KMT2C: variants seen among roughly 807,000 people sequenced by gnomAD.
KMT2C encodes lysine methyltransferase 2C.
Under a neutral mutation model 507.9 loss-of-function variants are expected in KMT2C, and 88 were observed. That is an observed-to-expected ratio of 0.17 (90% CI 0.15 to 0.21). KMT2C has a LOEUF of 0.21. Among genes scored for constraint, KMT2C ranks in the 10% least tolerant of loss-of-function variants. KMT2C has a pLI of 1.00. For missense variants in KMT2C, 4,954 were observed against 5,957.8 expected (o/e 0.83, Z 5.55); for synonymous variants, 2,049 against 2,080.8 (o/e 0.98, Z 0.42).
chr7:152,223,639 C>T (rs1472230711), intron 20 of KMT2C, among the ~76,000 whole-genome samples: 2 of 151,874 alleles, frequency 1.3e-5, no homozygotes, highest in South Asian at 2.1e-4. Context: ...ACTAAAAATA[C>T]AAAAATTAGC....
At chr7:152,407,922 ACT>A (rs1178391573) in intron 1 of KMT2C, among the ~76,000 whole-genome samples, 1 of 152,276 alleles carries the variant, frequency 6.6e-6, no homozygotes, top group African/African-American at 2.4e-5. Context: ...GTTAGAATAC[ACT>A]GTTTCCAAAT....
chr7:152,253,088 C>T (rs2095586655), intron 9 of KMT2C, among the ~76,000 whole-genome samples: 1 of 152,036 alleles, frequency 6.6e-6, no homozygotes, highest in Non-Finnish European at 1.5e-5. Flanking sequence ...CTCCTGACCT[C>T]AAGTGATCTG....
At chr7:152,427,732 C>A (rs145654271) in intron 1 of KMT2C, among the ~76,000 whole-genome samples, 25 of 152,290 alleles carry the variant, frequency 1.6e-4, no homozygotes, top group Non-Finnish European at 3.2e-4. Flanking sequence ...AATTCCCATA[C>A]GCCATATTCT....
chr7:152,236,433 G>A (rs991651303), intron 15 of KMT2C, among the ~76,000 whole-genome samples: 7 of 152,160 alleles, frequency 4.6e-5, no homozygotes, highest in African/African-American at 1.4e-4. Flanking sequence ...CATTTGAGAT[G>A]AGTGTGCTGA....
intron 23 of KMT2C, among the ~76,000 whole-genome samples, chr7:152,214,866 G>A (rs1312645658): frequency 1.3e-5 from 2 of 152,034 alleles, no homozygotes; most frequent in African/African-American, 2.4e-5. Context: ...TAGGTAAGAC[G>A]AGTAATTCTA....
chr7:152,281,301 A>C (rs2096203455), intron 6 of KMT2C, among the ~76,000 whole-genome samples: 1 of 152,188 alleles, frequency 6.6e-6, no homozygotes, highest in African/African-American at 2.4e-5. Flanking sequence ...ATAATTTTAA[A>C]ATAGACAAGG....
intron 1 of KMT2C, among the ~76,000 whole-genome samples, chr7:152,393,898 CA>C (rs745616896): frequency 0.033 from 2,123 of 65,286 alleles, 16 homozygotes; most frequent in African/African-American, 0.059. Context: ...AACTCCATCT[CA>C]AAAAAAAAAA....
intron 1 of KMT2C, among the ~76,000 whole-genome samples, chr7:152,412,082 T>C (rs1311762516): frequency 2.0e-5 from 3 of 152,192 alleles, no homozygotes; most frequent in Admixed American, 6.5e-5. Flanking sequence ...CAAAGGAAAA[T>C]TCTCATTTAA....
chr7:152,225,747 CAGG>C (rs764474777), intron 18 of KMT2C, among the ~76,000 whole-genome samples: 4 of 152,084 alleles, frequency 2.6e-5, no homozygotes, highest in South Asian at 2.1e-4. Flanking sequence ...CATATCAGAG[CAGG>C]AGAAGGGAAT....
At chr7:152,435,204 G>GCA (rs1229849106) in intron 1 of KMT2C, among the ~76,000 whole-genome samples, 3 of 151,962 alleles carry the variant, frequency 2.0e-5, no homozygotes, top group Non-Finnish European at 4.4e-5. Context: ...TGACAGCTCC[G>GCA]AGAGTTTCCC....
intron 13 of KMT2C, 22 bp from the exon 14 acceptor site, chr7:152,248,642 T>A (rs1408084791): frequency 6.6e-7 from 1 of 1,507,682 alleles, no homozygotes; most frequent in Middle Eastern, 1.8e-4. Flanking sequence ...AGAACATTTG[T>A]TATGGCAATG....
intron 22 of KMT2C, among the ~76,000 whole-genome samples, chr7:152,221,036 T>C (rs1465132189): frequency 6.6e-6 from 1 of 152,116 alleles, no homozygotes; most frequent in Non-Finnish European, 1.5e-5. Context: ...GGCAGGCAGA[T>C]CACGAGGTCA....
chr7:152,244,434 A>C (rs2095436776), intron 14 of KMT2C, among the ~76,000 whole-genome samples: 1 of 152,162 alleles, frequency 6.6e-6, no homozygotes, highest in Non-Finnish European at 1.5e-5. Context: ...TAATCCCAGC[A>C]CTCTGGGAGA....
chr7:152,290,045 CAAACA>C (rs1361353400), intron 6 of KMT2C, among the ~76,000 whole-genome samples: 6 of 148,114 alleles, frequency 4.1e-5, no homozygotes, highest in African/African-American at 7.6e-5. Context: ...TGTCTCAAAA[CAAACA>C]AAACAAAACA....
At chr7:152,408,749 T>G (rs920421287) in intron 1 of KMT2C, among the ~76,000 whole-genome samples, 8 of 150,378 alleles carry the variant, frequency 5.3e-5, no homozygotes, top group African/African-American at 2.0e-4. Flanking sequence ...AAAACTCTCT[T>G]CCACAAAACT....
At chr7:152,308,548 G>A (rs1589091312) in intron 6 of KMT2C, among the ~76,000 whole-genome samples, 1 of 151,736 alleles carries the variant, frequency 6.6e-6, no homozygotes, top group East Asian at 2.0e-4. Context: ...GGTGGCACGA[G>A]CCTATAATCC....
rs372781879 is a variant in KMT2C, at chr7:152,163,676, G to C, written c.9901C>G (p.Gln3301Glu). ...IPGATPPTMS[Q>E]PTFPMVPQQL... ...TGTGGCACCATGGGAAAGGTGGGTT[G>C]GCTCATGGTGGGTGGAGTGGCACCT... The change falls in exon 43 of 59, where the codon CAA becomes GAA. Residue 3301 changes from glutamine to glutamate, a missense_variant. Physicochemically the swap from Gln to Glu is conservative, Grantham distance 29. Around this residue, in one of 29 missense-constraint regions of KMT2C, gnomAD observed 801 missense variants for 751.2 expected, o/e 1.07. Transcript: ENST00000262189. 6 of 1,613,842 alleles carry C rather than the reference G, an allele frequency of 3.7e-6. No individual in the cohort carries two copies. Among genetic ancestry groups the C allele is most frequent in the African/African-American group, 1.3e-5 (1 of 74,908 alleles).
At chr7:152,320,007 G>A (rs920874200) in intron 3 of KMT2C, among the ~76,000 whole-genome samples, 11 of 151,924 alleles carry the variant, frequency 7.2e-5, no homozygotes, top group South Asian at 2.1e-4. Context: ...ACCGGTCTCC[G>A]CGTCTTGGTG....
At chr7:152,210,012 G>A (rs2094416434) in intron 23 of KMT2C, among the ~76,000 whole-genome samples, 1 of 152,134 alleles carries the variant, frequency 6.6e-6, no homozygotes. Flanking sequence ...GTGGGATGCA[G>A]GATTCCTGGG....
Sources: allele counts gnomAD v4.1 joint callset (sites outside exome capture counted in the v4.1 genomes callset), GRCh38; gene constraint gnomAD v4.1.1; regional missense constraint gnomAD v4.1.1; transcripts MANE v1.5; gene names NCBI Gene and HGNC (gene_info 2026-07-23, HGNC 2026-07-21).